The following GGT5 variants were observed in gnomAD, a reference collection of about 807,000 sequenced individuals.
The protein encoded by GGT5 is gamma-glutamyltransferase 5.
GGT5 carries 50 observed loss-of-function variants against 58.1 expected under a neutral mutation model. That is an observed-to-expected ratio of 0.86 (90% CI 0.69 to 1.09). The LOEUF is 1.09. GGT5 is among the 50% of genes least tolerant of loss of function. The pLI, the probability that GGT5 is intolerant of heterozygous loss-of-function variation, is 0.00. For synonymous variants in GGT5, 370 were observed against 346.1 expected, an observed-to-expected ratio of 1.07 and a Z score of -0.77; for missense variants, 800 against 789.4, an observed-to-expected ratio of 1.01 and a Z score of -0.16.
chr22:24,226,275 G>C lies in GGT5; in HGVS notation c.1039-9C>G. Reference sequence around the variant, plus strand: ...AGGTCCCGGGAGGCATTCTGGGGTGGGTGGGCAGGTGGCAGGGTCAGTGAG... The same window carrying C: ...AGGTCCCGGGAGGCATTCTGGGGTGCGTGGGCAGGTGGCAGGGTCAGTGAG... On this transcript the variant is annotated splice_polypyrimidine_tract_variant and intron_variant, in intron 7 of 11. Coordinates refer to ENST00000327365, the MANE Select transcript of GGT5 (RefSeq NM_004121.5). The C allele has an allele frequency of 2.5e-6, 4 of 1,585,724 alleles. No individual in the cohort carries two copies. The highest frequency in any genetic ancestry group is 2.6e-6 in the Non-Finnish European group (3 of 1,168,474).
At chr22:24,237,321 T>C (rs1210559781) in intron 1 of GGT5, among the ~76,000 whole-genome samples, 1 of 152,148 alleles carries the variant, frequency 6.6e-6, no homozygotes, top group Admixed American at 6.5e-5. Flanking sequence ...TCAGGAGCAC[T>C]GGATCCAGCT....
Position 24,233,036 on chromosome 22 carries a change from G to C in GGT5, c.401-18C>G. On this transcript the variant is annotated intron_variant, in intron 3 of 11. Transcript: ENST00000327365. The stretch of plus-strand genomic sequence containing the variant: ...CTGGGCCCCTGCATGGCACATCCCA[G>C]CTCTCAACCCTGTGGCTTCCAGGCC... The C allele has an allele frequency of 6.8e-7, 1 of 1,478,944 alleles. No individual in the cohort carries two copies. Among genetic ancestry groups the C allele is most frequent in the Non-Finnish European group, 9.0e-7 (1 of 1,107,252 alleles). The allele number at this position is 1,478,944 out of a possible 1,614,324, so 91.6% of individuals were successfully genotyped here.
chr22:24,236,599 TA>T (rs1430933594), intron 1 of GGT5, among the ~76,000 whole-genome samples: 1 of 151,900 alleles, frequency 6.6e-6, no homozygotes, highest in East Asian at 1.9e-4. Flanking sequence ...CCATCTCTAT[TA>T]AAAATACAAA....
At chr22:24,232,329 C>A in intron 4 of GGT5, 121 bp from the exon 5 acceptor site, 1 of 570,392 alleles carries the variant, frequency 1.8e-6, no homozygotes, top group Non-Finnish European at 3.1e-6. Flanking sequence ...CCCAGGGTCC[C>A]GAGGCACTGG....
intron 1 of GGT5, chr22:24,241,289 T>C (rs930717493): frequency 4.6e-5 from 7 of 152,208 alleles, no homozygotes; most frequent in African/African-American, 1.7e-4. Flanking sequence ...TATTTAGGAA[T>C]TGGCTCACAT....
At position 24,232,032 on chromosome 22, in the gene GGT5, G is replaced by A; in HGVS notation, c.754+19C>T. 1 of 1,607,264 alleles carries A rather than the reference G, an allele frequency of 6.2e-7. No individual in the cohort carries two copies. The highest frequency in any genetic ancestry group is 8.5e-7 in the Non-Finnish European group (1 of 1,174,668). Reference sequence around the variant, plus strand: ...CTTCCTCCAGCAGGGATGGGGTATGGAACCTCAGGGAGGCTGACCTTCCTT... The same window carrying A: ...CTTCCTCCAGCAGGGATGGGGTATGAAACCTCAGGGAGGCTGACCTTCCTT... On this transcript the variant is annotated intron_variant, in intron 5 of 11. Coordinates refer to ENST00000327365, the MANE Select transcript of GGT5 (RefSeq NM_004121.5).
Position 24,239,287 on chromosome 22 carries a change from C to T in GGT5, c.173+5266G>A, listed in dbSNP as rs542720502. Among the ~76,000 whole-genome samples, 35 of 150,670 alleles carry T rather than the reference C, an allele frequency of 2.3e-4. No homozygotes were observed. The East Asian group carries it at 3.1e-3, about 14-fold the overall frequency. ...CCAGGAGGCAGAGCTTGCAGTGAGC[C>T]GAGATTGTGCCACTGCACTCCAGCC... On this transcript the variant is annotated intron_variant, in intron 1 of 11. Transcript: ENST00000327365.
chr22:24,233,093 C>T (rs886190104), intron 3 of GGT5, 75 bp from the exon 4 acceptor site: 25 of 1,127,252 alleles, frequency 2.2e-5, no homozygotes, highest in Middle Eastern at 3.1e-4. Flanking sequence ...CTACATGTGG[C>T]CCCCCAGTTA....
intron 1 of GGT5, among the ~76,000 whole-genome samples, chr22:24,236,617 G>T (rs1369680782): frequency 2.6e-5 from 4 of 152,078 alleles, no homozygotes; most frequent in African/African-American, 9.7e-5. Context: ...CAAAAAATTA[G>T]CTGGGCATGG....
chr22:24,228,048 CAAAAA>C (rs1273239063), intron 6 of GGT5, among the ~76,000 whole-genome samples: 1 of 22,052 alleles, frequency 4.5e-5, no homozygotes, highest in Non-Finnish European at 8.9e-5. Context: ...GACTCTGTCT[CAAAAA>C]AAAAAAAAAA....
At chr22:24,234,076 C>T in intron 1 of GGT5, 72 bp from the exon 2 acceptor site, 2 of 1,464,020 alleles carry the variant, frequency 1.4e-6, no homozygotes, top group Non-Finnish European at 1.9e-6. Flanking sequence ...GCTCAGCTGG[C>T]ACTCATTGGA....
At chr22:24,236,101 A>T (rs1234378964) in intron 1 of GGT5, among the ~76,000 whole-genome samples, 1 of 152,204 alleles carries the variant, frequency 6.6e-6, no homozygotes, top group Non-Finnish European at 1.5e-5. Flanking sequence ...CACTCGAGAC[A>T]CTTATACCCA....
chr22:24,220,021 A>C lies in GGT5; in HGVS notation c.1710T>G (p.Cys570Trp). Reference sequence around the variant, plus strand: ...TCCTCAGGTCCGAGACGGCGTACACACAGGCCCCCTCCTGGGACACAGCCT... The same window carrying C: ...TCCTCAGGTCCGAGACGGCGTACACCCAGGCCCCCTCCTGGGACACAGCCT... Reference protein sequence around the residue: ...VVQAVSQEGACVYAVSDLRKS... With the variant: ...VVQAVSQEGAWVYAVSDLRKS... The change falls in exon 12 of 12, where the codon TGT (cysteine) becomes TGG (tryptophan). Residue 570 changes from cysteine to tryptophan, a missense_variant. By Grantham distance (215) the Cys-to-Trp change is radical. Transcript: ENST00000327365. The C allele has an allele frequency of 6.2e-7, 1 of 1,614,038 alleles. No homozygotes were observed. The highest frequency in any genetic ancestry group is 1.3e-5 in the African/African-American group (1 of 75,026).
chr22:24,220,343 G>C (rs2047553303), intron 11 of GGT5: 1 of 627,600 alleles, frequency 1.6e-6, no homozygotes, highest in Admixed American at 2.3e-5. Flanking sequence ...ACACCACCCA[G>C]GCCCGAAGAC....
In GGT5 at chr22:24,219,769, C is replaced by T. The variant is rs571118367; in HGVS notation, c.*201G>A. 770 of 588,702 alleles carry T rather than the reference C, an allele frequency of 1.3e-3. No homozygotes were observed. Among genetic ancestry groups the T allele is most frequent in the Non-Finnish European group, 1.7e-3 (572 of 332,710 alleles). 36.5% of individuals were successfully genotyped at this position (588,702 alleles called of 1,614,324 possible). A position where few individuals can be genotyped will look rare whatever the true frequency, so the allele number is the denominator to read the frequency against. On this transcript the variant is annotated 3_prime_UTR_variant, in exon 12 of 12. Transcript: ENST00000327365. Reference sequence around the variant, plus strand: ...GGATAGAGGGGCCGGTTCAGGACCACCAGGGGCTCTGGGAAAGGGGGTTAG... The same window carrying T: ...GGATAGAGGGGCCGGTTCAGGACCATCAGGGGCTCTGGGAAAGGGGGTTAG...
At chr22:24,231,961 C>T in intron 5 of GGT5, 90 bp downstream of exon 5, 1 of 1,113,146 alleles carries the variant, frequency 9.0e-7, no homozygotes, top group Non-Finnish European at 1.3e-6. Context: ...TCCCTCAGGG[C>T]CTGGGAAGGA....
chr22:24,237,305 C>T (rs1244618019), intron 1 of GGT5, among the ~76,000 whole-genome samples: 1 of 152,136 alleles, frequency 6.6e-6, no homozygotes, highest in East Asian at 1.9e-4. Context: ...AGAAATAGAG[C>T]AGCCCTCAGG....
chr22:24,220,944 G>A (rs1402287653), intron 11 of GGT5, among the ~76,000 whole-genome samples: 2 of 151,726 alleles, frequency 1.3e-5, no homozygotes, highest in East Asian at 3.9e-4. Flanking sequence ...CAGCTACTCA[G>A]GAGGCTGAAG....
intron 3 of GGT5, 99 bp downstream of exon 3, chr22:24,233,399 G>T: frequency 1.5e-6 from 1 of 687,460 alleles, no homozygotes; most frequent in Non-Finnish European, 2.5e-6. Context: ...GTGCCAGGGA[G>T]TCACAGCCTG....
Sources: gnomAD v4.1 joint callset for allele counts (sites outside exome capture counted in the v4.1 genomes callset) on GRCh38, gnomAD v4.1.1 for gene constraint, MANE v1.5 for transcripts, NCBI Gene and HGNC (gene_info 2026-07-23, HGNC 2026-07-21) for gene names.